LEPR: variants seen among roughly 807,000 people sequenced by gnomAD.
The protein encoded by LEPR is OB receptor.
In LEPR, 56 loss-of-function variants were observed where a neutral mutation model predicts 114.7. The observed-to-expected ratio is 0.49, with a 90% CI of 0.39 to 0.61. The LOEUF is 0.61. Among genes scored for constraint, LEPR ranks in the 20% least tolerant of loss-of-function variants. LEPR has a pLI of 0.00. For missense variants in LEPR, 1,202 were observed against 1,352.9 expected, an observed-to-expected ratio of 0.89 and a Z score of 1.75; for synonymous variants, 443 against 461.4, an observed-to-expected ratio of 0.96 and a Z score of 0.51.
chr1:65,475,409 C>A (rs887791819), intron 2 of LEPR, among the ~76,000 whole-genome samples: 1 of 152,060 alleles, frequency 6.6e-6, no homozygotes, highest in African/African-American at 2.4e-5. Context: ...AAGTCAGTCA[C>A]CTTTTTGCAG....
rs924984393 is a variant in LEPR, at chr1:65,477,429, C to G, written c.-21+52051C>G. ...GTATCTCTTTGTCCAATGATGGATA[C>G]CTGAATGAATACAACTGTCAAAGTG... On this transcript the variant is annotated intron_variant, in intron 2 of 19. Transcript: ENST00000349533. Among the ~76,000 whole-genome samples the G allele has an allele frequency of 2.0e-5, 3 of 152,184 alleles. No homozygotes were observed. The South Asian group carries it at 6.2e-4, about 32-fold the overall frequency.
At chr1:65,583,885 A>G (rs1655153963) in intron 5 of LEPR, among the ~76,000 whole-genome samples, 1 of 152,182 alleles carries the variant, frequency 6.6e-6, no homozygotes, top group Admixed American at 6.6e-5. Flanking sequence ...TATGAATATA[A>G]TGAGACAGGA....
intron 2 of LEPR, among the ~76,000 whole-genome samples, chr1:65,536,499 A>G (rs997708820): frequency 6.6e-6 from 1 of 152,206 alleles, no homozygotes; most frequent in Non-Finnish European, 1.5e-5. Flanking sequence ...TCATTTTTGT[A>G]TCAGTAAAAA....
At chr1:65,500,940 A>G (rs1394687782) in intron 2 of LEPR, among the ~76,000 whole-genome samples, 1 of 152,082 alleles carries the variant, frequency 6.6e-6, no homozygotes, top group African/African-American at 2.4e-5. Flanking sequence ...TTCTTCTGGA[A>G]TTGCCTAGTA....
At chr1:65,609,029 A>G in intron 12 of LEPR, 128 bp downstream of exon 12, 1 of 1,206,182 alleles carries the variant, frequency 8.3e-7, no homozygotes, top group Non-Finnish European at 1.2e-6. Context: ...AGCTATTTTC[A>G]TTAAATAGAT....
At chr1:65,617,881 A>T in intron 15 of LEPR, 83 bp from the exon 16 acceptor site, 1 of 1,309,756 alleles carries the variant, frequency 7.6e-7, no homozygotes, top group Non-Finnish European at 1.0e-6. Flanking sequence ...TATTCCCTTT[A>T]GTAGGTTATA....
At chr1:65,458,160 G>A (rs1646901073) in intron 2 of LEPR, among the ~76,000 whole-genome samples, 1 of 152,186 alleles carries the variant, frequency 6.6e-6, no homozygotes, top group Admixed American at 6.5e-5. Context: ...CATACTGAGG[G>A]ACAAATTATG....
intron 2 of LEPR, among the ~76,000 whole-genome samples, chr1:65,509,238 G>A (rs370214488): frequency 6.4e-4 from 97 of 152,166 alleles, no homozygotes; most frequent in African/African-American, 2.1e-3. Context: ...GCATAGGAGC[G>A]GTGAGAGTGG....
intron 2 of LEPR, chr1:65,434,339 C>T: frequency 1.0e-6 from 1 of 984,834 alleles, no homozygotes; most frequent in Non-Finnish European, 1.2e-6. Context: ...ATATATTGTA[C>T]AATATATTTG....
At chr1:65,479,149 A>G (rs1647189769) in intron 2 of LEPR, among the ~76,000 whole-genome samples, 1 of 152,204 alleles carries the variant, frequency 6.6e-6, no homozygotes, top group South Asian at 2.1e-4. Context: ...GAGATTGTAT[A>G]TCCCAACACT....
At chr1:65,496,924 A>G (rs1648188438) in intron 2 of LEPR, among the ~76,000 whole-genome samples, 1 of 152,052 alleles carries the variant, frequency 6.6e-6, no homozygotes, top group Non-Finnish European at 1.5e-5. Flanking sequence ...TACATTCAAC[A>G]GGATCTCCAG....
intron 19 of LEPR, chr1:65,634,692 G>C (rs1379049791): frequency 2.8e-5 from 27 of 970,860 alleles, no homozygotes; most frequent in Non-Finnish European, 3.2e-5. Flanking sequence ...CTTGACTATG[G>C]TTATGGTTTT....
At chr1:65,536,237 C>T (rs751952601) in intron 2 of LEPR, among the ~76,000 whole-genome samples, 1 of 152,078 alleles carries the variant, frequency 6.6e-6, no homozygotes, top group African/African-American at 2.4e-5. Context: ...TTAAAAAGAG[C>T]TTGGCTTGTC....
chr1:65,614,123 T>G (rs186843774), intron 14 of LEPR, among the ~76,000 whole-genome samples: 24 of 152,326 alleles, frequency 1.6e-4, no homozygotes, highest in Admixed American at 1.4e-3. Context: ...ATTTGAAAAC[T>G]TAAGTCTACA....
chr1:65,553,308 G>C (rs1290284579), intron 2 of LEPR, among the ~76,000 whole-genome samples: 2 of 152,148 alleles, frequency 1.3e-5, no homozygotes, highest in African/African-American at 2.4e-5. Flanking sequence ...CCTGCAGAGT[G>C]TTTTCCAACT....
intron 2 of LEPR, among the ~76,000 whole-genome samples, chr1:65,457,987 C>A (rs979080192): frequency 6.6e-6 from 1 of 152,148 alleles, no homozygotes; most frequent in African/African-American, 2.4e-5. Flanking sequence ...GCCTATGATA[C>A]ATGAATACCT....
At chr1:65,572,199 C>T (rs1654232725) in intron 4 of LEPR, 127 bp from the exon 5 acceptor site, 1 of 1,226,784 alleles carries the variant, frequency 8.2e-7, no homozygotes, top group Non-Finnish European at 1.1e-6. Context: ...TCAGAATAGG[C>T]AATGGAAGTT....
At chr1:65,572,496 T>TA in intron 5 of LEPR, 47 bp downstream of exon 5, 2 of 1,523,250 alleles carry the variant, frequency 1.3e-6, no homozygotes, top group Non-Finnish European at 1.8e-6. Context: ...ACAGTTTTTT[T>TA]AAAAGAGCTT....
intron 2 of LEPR, among the ~76,000 whole-genome samples, chr1:65,460,560 C>T (rs1238405154): frequency 6.6e-6 from 1 of 152,090 alleles, no homozygotes; most frequent in Non-Finnish European, 1.5e-5. Context: ...AATTATTAGA[C>T]AAAGTCATGG....
Sources: allele counts gnomAD v4.1 joint callset (sites outside exome capture counted in the v4.1 genomes callset), GRCh38; gene constraint gnomAD v4.1.1; transcripts MANE v1.5; gene names NCBI Gene and HGNC (gene_info 2026-07-23, HGNC 2026-07-21).